Variants in KCNN1 observed in about 807,000 individuals in gnomAD.
KCNN1 encodes potassium calcium-activated channel subfamily N member 1.
In KCNN1, 20 loss-of-function variants were observed where a neutral mutation model predicts 44.7. The observed-to-expected ratio is 0.45, with a 90% CI of 0.32 to 0.65. KCNN1 has a LOEUF of 0.65. Among genes scored for constraint, KCNN1 ranks in the 30% least tolerant of loss-of-function variants. The probability of loss-of-function intolerance (pLI) is 0.05; values close to 1 mark genes in which losing one functional copy is unlikely to be tolerated. For synonymous variants in KCNN1, 324 were observed against 341.7 expected (o/e 0.95, Z 0.57); for missense variants, 632 against 785.3 (o/e 0.80, Z 2.33).
At chr19:17,953,178 G>A (rs1294193229) in intron 1 of KCNN1, among the ~76,000 whole-genome samples, 2 of 152,246 alleles carry the variant, frequency 1.3e-5, no homozygotes, top group African/African-American at 4.8e-5. Context: ...GTGTGCCCCC[G>A]CTCCCAGCCT....
chr19:17,951,630 G>A lies in KCNN1; in HGVS notation c.-203+221G>A, dbSNP rs144048759. Among the ~76,000 whole-genome samples, 371 of 152,228 alleles carry A rather than the reference G, an allele frequency of 2.4e-3. 1 individual carries two copies. The highest frequency in any genetic ancestry group is 8.6e-3 in the African/African-American group (357 of 41,544). Reference sequence around the variant, plus strand: ...AAGAGGTTCCTAATCGCGCAGGTTGGGGGGAGGGTGTCACCAGCCCAACAA... The same window carrying A: ...AAGAGGTTCCTAATCGCGCAGGTTGAGGGGAGGGTGTCACCAGCCCAACAA... On this transcript the variant is annotated intron_variant, in intron 1 of 10. Transcript: ENST00000222249.
chr19:17,956,584 T>TC (rs987825623), intron 2 of KCNN1, among the ~76,000 whole-genome samples: 4 of 151,460 alleles, frequency 2.6e-5, no homozygotes, highest in Non-Finnish European at 5.9e-5. Flanking sequence ...CTCTACAATT[T>TC]TTTTTTTTTT....
chr19:17,993,841 T>C lies in KCNN1; in HGVS notation c.1377+282T>C, dbSNP rs1370795301. Reference sequence around the variant, plus strand: ...AGGAGAATCGCTTGAACTTGGGGGGTTGAGGCTGCAGTGAGCCGAGATGGC... The same window carrying C: ...AGGAGAATCGCTTGAACTTGGGGGGCTGAGGCTGCAGTGAGCCGAGATGGC... On this transcript the variant is annotated intron_variant, in intron 9 of 9. Coordinates refer to ENST00000684775, the MANE Select transcript of KCNN1 (RefSeq NM_001386974.1). This position sits in a 1 kb window ranked among gnomAD's most constrained non-coding sequence, Gnocchi z 4.5. Among the ~76,000 whole-genome samples, 1 of 152,014 alleles carries C rather than the reference T, an allele frequency of 6.6e-6. No homozygotes were observed. Among genetic ancestry groups the C allele is most frequent in the Non-Finnish European group, 1.5e-5 (1 of 67,986 alleles).
At chr19:17,985,809 G>C (rs1181527771) in intron 5 of KCNN1, among the ~76,000 whole-genome samples, 2 of 152,240 alleles carry the variant, frequency 1.3e-5, no homozygotes, top group Non-Finnish European at 2.9e-5. Context: ...TCCAGGGCAA[G>C]GGGCTTGATG....
At chr19:17,964,020 C>G (rs1331938716), upstream of KCNN1, among the ~76,000 whole-genome samples, 1 of 152,162 alleles carries the variant, frequency 6.6e-6, no homozygotes, top group Non-Finnish European at 1.5e-5. This position sits in a 1 kb window ranked among gnomAD's most constrained non-coding sequence, Gnocchi z 4.3. Context: ...TTCTAGAAAG[C>G]CAGCTTCAAG....
chr19:17,960,346 T>C (rs1423628437), intron 2 of KCNN1, among the ~76,000 whole-genome samples: 1 of 151,962 alleles, frequency 6.6e-6, no homozygotes, highest in African/African-American at 2.4e-5. Flanking sequence ...CCACACAAAG[T>C]TGGCCAGGCG....
At chr19:17,960,594 C>T (rs1358305596) in intron 2 of KCNN1, among the ~76,000 whole-genome samples, 1 of 151,974 alleles carries the variant, frequency 6.6e-6, no homozygotes, top group Non-Finnish European at 1.5e-5. Context: ...CTCACCACTG[C>T]ACTCCAGCCT....
chr19:17,975,258 A>T, intron 3 of KCNN1, 71 bp downstream of exon 3: 1 of 1,087,162 alleles, frequency 9.2e-7, no homozygotes, highest in Non-Finnish European at 1.4e-6. Flanking sequence ...AGCCCACCTT[A>T]GACCCCATCC....
At chr19:17,967,004 T>A, upstream of KCNN1, 1 of 426,000 alleles carries the variant, frequency 2.3e-6, no homozygotes, top group Non-Finnish European at 3.1e-6. Flanking sequence ...GATCTTTAAA[T>A]ATGGGCGGGG....
intron 9 of KCNN1, among the ~76,000 whole-genome samples, chr19:17,997,672 G>A (rs2033046548): frequency 6.6e-6 from 1 of 152,152 alleles, no homozygotes; most frequent in African/African-American, 2.4e-5. Flanking sequence ...TGGAGACAAA[G>A]TTTCACCATG....
chr19:17,986,223 C>T (rs560301140), intron 5 of KCNN1, among the ~76,000 whole-genome samples: 3 of 151,876 alleles, frequency 2.0e-5, no homozygotes, highest in Non-Finnish European at 4.4e-5. Flanking sequence ...ATTAGCCGGG[C>T]GTGGTGGTGG....
chr19:17,952,840 C>G (rs2031448353), intron 1 of KCNN1, among the ~76,000 whole-genome samples: 1 of 152,178 alleles, frequency 6.6e-6, no homozygotes, highest in African/African-American at 2.4e-5. Flanking sequence ...AGCTCCCTCC[C>G]TTCCCCCCTC....
intron 1 of KCNN1, among the ~76,000 whole-genome samples, chr19:17,971,331 G>A (rs1334028264): frequency 2.0e-5 from 3 of 151,726 alleles, no homozygotes; most frequent in Non-Finnish European, 4.4e-5. Flanking sequence ...GCATGCTGTT[G>A]TGACCATTTC....
At chr19:17,970,825 G>T (rs10419236) in intron 1 of KCNN1, among the ~76,000 whole-genome samples, 18 of 152,168 alleles carry the variant, frequency 1.2e-4, no homozygotes, top group Non-Finnish European at 1.5e-4. Flanking sequence ...CAAAGGCATA[G>T]GTGGTCCTGC....
At chr19:17,953,052 G>A (rs2031455675) in intron 1 of KCNN1, among the ~76,000 whole-genome samples, 1 of 152,152 alleles carries the variant, frequency 6.6e-6, no homozygotes, top group African/African-American at 2.4e-5. Flanking sequence ...GAACTGGGGG[G>A]ATTCCTTACT....
At chr19:17,966,921 C>T (rs2031826891), upstream of KCNN1, among the ~76,000 whole-genome samples, 2 of 147,322 alleles carry the variant, frequency 1.4e-5, no homozygotes, top group Admixed American at 6.8e-5. Flanking sequence ...TCCTTCCCGT[C>T]TTATGGGGCA....
rs376483630 is a variant in KCNN1, at chr19:17,957,565, G to T, written c.-82+2884G>T. 3.3e-4 allele frequency among the ~76,000 whole-genome samples: 51 copies of T among 152,244 alleles called. 1 individual carries two copies. Among genetic ancestry groups the T allele is most frequent in the East Asian group, 2.5e-3 (13 of 5,180 alleles). Reference sequence around the variant, plus strand: ...GGGGGAACAGCATACCCAGCAGAGGGAACCACATGTGCAAAGGTCCTGAGG... The same window carrying T: ...GGGGGAACAGCATACCCAGCAGAGGTAACCACATGTGCAAAGGTCCTGAGG... On this transcript the variant is annotated intron_variant, in intron 2 of 10. Coordinates refer to the KCNN1 transcript ENST00000222249.
intron 1 of KCNN1, among the ~76,000 whole-genome samples, chr19:17,951,767 C>T (rs575463254): frequency 1.4e-4 from 21 of 152,318 alleles, no homozygotes; most frequent in African/African-American, 5.1e-4. Flanking sequence ...TCTGGGTCCC[C>T]CGATCCTCCC....
At chr19:17,987,983 AACAC>A (rs34814590) in intron 5 of KCNN1, among the ~76,000 whole-genome samples, 11 of 148,012 alleles carry the variant, frequency 7.4e-5, no homozygotes, top group South Asian at 2.2e-4. Context: ...TTACTAAACA[AACAC>A]ACACACACAC....
Sources: allele counts gnomAD v4.1 joint callset (sites outside exome capture counted in the v4.1 genomes callset), GRCh38; gene constraint gnomAD v4.1.1; non-coding constraint Gnocchi (gnomAD v3.1); transcripts MANE v1.5; gene names NCBI Gene and HGNC (gene_info 2026-07-23, HGNC 2026-07-21).